The following SCOC variants were observed in gnomAD, a reference collection of about 807,000 sequenced individuals.
The protein encoded by SCOC is short coiled coil protein.
Under a neutral mutation model 9.9 loss-of-function variants are expected in SCOC, and 7 were observed. That is an observed-to-expected ratio of 0.71 (90% CI 0.40 to 1.33). The LOEUF (loss-of-function observed/expected upper bound fraction) is 1.33. Among genes scored for constraint, SCOC ranks in the 40% most tolerant of loss-of-function variants. The probability of loss-of-function intolerance (pLI) is 0.01; values close to 1 mark genes in which losing one functional copy is unlikely to be tolerated. For missense variants in SCOC, 66 were observed against 89.7 expected (o/e 0.74, Z 1.07); for synonymous variants, 19 against 28.2 (o/e 0.67, Z 1.03).
In SCOC at chr4:140,381,250, A is replaced by C; in HGVS notation, c.*146A>C. On this transcript the variant is annotated 3_prime_UTR_variant, in exon 4 of 4. Transcript: ENST00000608372. ...AGATGTAGACAAAAATAACACAATA[A>C]CAGGAGACTTCCATAAGTTTGTGTA... 1.4e-6 allele frequency: 1 copy of C among 695,674 alleles called. No homozygotes were observed. Among genetic ancestry groups the C allele is most frequent in the Non-Finnish European group, 2.3e-6 (1 of 437,976 alleles). The allele number at this position is 695,674 out of a possible 1,614,324, so 43.1% of individuals were successfully genotyped here.
chr4:140,327,485 T>C (rs569951669), intron 1 of SCOC, among the ~76,000 whole-genome samples: 1 of 152,116 alleles, frequency 6.6e-6, no homozygotes, highest in Non-Finnish European at 1.5e-5. Flanking sequence ...GCAATTTAAA[T>C]AGAAATTATT....
At chr4:140,329,079 A>T (rs1732734685) in intron 1 of SCOC, among the ~76,000 whole-genome samples, 1 of 152,248 alleles carries the variant, frequency 6.6e-6, no homozygotes. Flanking sequence ...CCAAAACAGC[A>T]TCGTATTGGT....
At chr4:140,300,296 C>T (rs561986367) in intron 1 of SCOC, among the ~76,000 whole-genome samples, 2 of 152,262 alleles carry the variant, frequency 1.3e-5, no homozygotes, top group Admixed American at 6.5e-5. Context: ...CTCACTTCCT[C>T]GCTCCCCTTC....
intron 2 of SCOC, chr4:140,360,725 T>G (rs1352187460): frequency 6.6e-6 from 1 of 152,228 alleles, no homozygotes; most frequent in Admixed American, 6.5e-5. Flanking sequence ...GGACCTGCCT[T>G]CAGGCACTGT....
chr4:140,356,287 C>T (rs1727226320), intron 2 of SCOC, among the ~76,000 whole-genome samples: 1 of 152,184 alleles, frequency 6.6e-6, no homozygotes, highest in Non-Finnish European at 1.5e-5. Flanking sequence ...GTTGCCTGTG[C>T]TCTATCACTC....
At chr4:140,293,652 A>T (rs1218184976) in intron 1 of SCOC, among the ~76,000 whole-genome samples, 1 of 152,230 alleles carries the variant, frequency 6.6e-6, no homozygotes, top group African/African-American at 2.4e-5. Flanking sequence ...TAGGTCCAGT[A>T]CACCTACCAT....
intron 1 of SCOC, among the ~76,000 whole-genome samples, chr4:140,308,427 C>G (rs1383990238): frequency 1.3e-5 from 2 of 152,188 alleles, no homozygotes; most frequent in African/African-American, 2.4e-5. Context: ...CTGGAGAAAG[C>G]AGGACTATAT....
At chr4:140,348,619 C>T (rs962808374) in intron 2 of SCOC, among the ~76,000 whole-genome samples, 1 of 152,002 alleles carries the variant, frequency 6.6e-6, no homozygotes, top group Admixed American at 6.6e-5. Context: ...CATCTGTCGA[C>T]AGACATTTAG....
At chr4:140,370,497 T>C (rs890376766), upstream of SCOC, among the ~76,000 whole-genome samples, 1 of 152,202 alleles carries the variant, frequency 6.6e-6, no homozygotes, top group African/African-American at 2.4e-5. Flanking sequence ...CTTAAGACTG[T>C]AATTTATTCT....
At chr4:140,366,406 A>C (rs1349978968) in intron 2 of SCOC, 6 of 1,305,784 alleles carry the variant, frequency 4.6e-6, no homozygotes. Context: ...CTTTAGCAGC[A>C]GCTGCAGCAG....
At chr4:140,331,728 C>T (rs1286656974) in intron 1 of SCOC, among the ~76,000 whole-genome samples, 1 of 152,208 alleles carries the variant, frequency 6.6e-6, no homozygotes, top group East Asian at 1.9e-4. Flanking sequence ...CACACCTTCA[C>T]AGCTCTCAAG....
intron 2 of SCOC, among the ~76,000 whole-genome samples, chr4:140,348,032 T>C (rs939525408): frequency 6.6e-6 from 1 of 152,108 alleles, no homozygotes; most frequent in Admixed American, 6.6e-5. Flanking sequence ...ATTGTATATG[T>C]TTATGGTTTA....
intron 1 of SCOC, among the ~76,000 whole-genome samples, chr4:140,377,310 TTAAA>T (rs1359107577): frequency 3.4e-4 from 52 of 152,308 alleles, no homozygotes; most frequent in African/African-American, 1.2e-3. Flanking sequence ...AGTGTGGTCT[TTAAA>T]TACTACAGTA....
At chr4:140,342,547 C>G (rs1726550478), upstream of SCOC, among the ~76,000 whole-genome samples, 1 of 152,078 alleles carries the variant, frequency 6.6e-6, no homozygotes, top group Non-Finnish European at 1.5e-5. Context: ...GGATTTCCAA[C>G]AGCTCACATC....
rs181218189 is a variant in SCOC at position 140,333,212 on chromosome 4, G to C, written c.-18-10409G>C. 3.7e-3 allele frequency among the ~76,000 whole-genome samples: 565 copies of C among 152,134 alleles called. 3 individuals are homozygous for C. The highest frequency in any genetic ancestry group is 0.01 in the Middle Eastern group (3 of 294). On this transcript the variant is annotated intron_variant, in intron 1 of 4. Coordinates refer to the SCOC transcript ENST00000394205. ...TCTCTGCTCCAATGTCATTGCATCA[G>C]CCAGGCCTTCCTGACACCGTATATA...
chr4:140,365,782 AT>A (rs1727767341), intron 2 of SCOC, among the ~76,000 whole-genome samples: 1 of 152,116 alleles, frequency 6.6e-6, no homozygotes, highest in Admixed American at 6.5e-5. Flanking sequence ...TCTTAATAAC[AT>A]TTTCTTTTCT....
chr4:140,373,516 C>A (rs1325570363), upstream of SCOC: 5 of 1,551,650 alleles, frequency 3.2e-6, no homozygotes, highest in Admixed American at 9.8e-5. Context: ...GATTGGACGA[C>A]TGGGGTGAGG....
At chr4:140,373,332 C>G (rs1237373975), upstream of SCOC, 5 of 1,412,750 alleles carry the variant, frequency 3.5e-6, no homozygotes, top group African/African-American at 7.3e-5. Flanking sequence ...GGGATTCTCA[C>G]TCCAATTCTC....
intron 1 of SCOC, 101 bp from the exon 2 acceptor site, chr4:140,379,020 A>T (rs888585123): frequency 6.9e-6 from 5 of 725,764 alleles, no homozygotes; most frequent in Admixed American, 4.0e-5. Flanking sequence ...GCATATGAAA[A>T]GTCCTACTAT....
Sources: allele counts gnomAD v4.1 joint callset (sites outside exome capture counted in the v4.1 genomes callset), GRCh38; gene constraint gnomAD v4.1.1; transcripts MANE v1.5; gene names NCBI Gene and HGNC (gene_info 2026-07-23, HGNC 2026-07-21).